YEATS4: variants seen among roughly 807,000 people sequenced by gnomAD.
The protein encoded by YEATS4 is YEATS domain containing 4.
A neutral mutation model predicts 30.1 loss-of-function variants in YEATS4; 17 were observed. The observed-to-expected ratio is 0.56, with a 90% CI of 0.39 to 0.85. The LOEUF (loss-of-function observed/expected upper bound fraction) is 0.85. Among genes scored for constraint, YEATS4 ranks in the 40% least tolerant of loss-of-function variants. YEATS4 has a pLI of 0.00. For synonymous variants in YEATS4, 85 were observed against 87.5 expected (o/e 0.97, Z 0.16); for missense variants, 142 against 268.3 (o/e 0.53, Z 3.29).
chr12:69,413,358 A>AG, the YEATS4 span, among the ~76,000 whole-genome samples: 1 of 55,592 alleles, frequency 1.8e-5, no homozygotes, highest in African/African-American at 4.2e-5. Context: ...TAAATGAAAA[A>AG]AAAAAAAAAA....
chr12:69,371,097 AAC>A (rs1875620607), intron 6 of YEATS4, 122 bp downstream of exon 6: 2 of 910,814 alleles, frequency 2.2e-6, no homozygotes, highest in Non-Finnish European at 1.6e-6. Flanking sequence ...GGTGTTAAAA[AAC>A]ACAGTTTGTA....
the YEATS4 span, among the ~76,000 whole-genome samples, chr12:69,403,148 T>C: frequency 6.6e-6 from 1 of 152,230 alleles, no homozygotes; most frequent in African/African-American, 2.4e-5. Flanking sequence ...GATGTTTCTC[T>C]AGACTGGGAC....
the YEATS4 span, among the ~76,000 whole-genome samples, chr12:69,401,566 C>T: frequency 5.9e-5 from 9 of 152,068 alleles, no homozygotes; most frequent in African/African-American, 1.9e-4. Context: ...GCCCATGGCC[C>T]GATGGCAATC....
chr12:69,394,069 A>T (rs1868334295), downstream of YEATS4, among the ~76,000 whole-genome samples: 1 of 152,140 alleles, frequency 6.6e-6, no homozygotes, highest in South Asian at 2.1e-4. Flanking sequence ...GATGGGAGGG[A>T]GGAAAAAACA....
chr12:69,400,417 A>G, the YEATS4 span, among the ~76,000 whole-genome samples: 7 of 151,570 alleles, frequency 4.6e-5, no homozygotes, highest in Admixed American at 4.6e-4. Context: ...TAAACAATAC[A>G]TTAATATGTA....
intron 1 of YEATS4, among the ~76,000 whole-genome samples, chr12:69,361,102 G>T (rs1375572103): frequency 2.6e-5 from 4 of 151,946 alleles, no homozygotes; most frequent in African/African-American, 4.8e-5. Flanking sequence ...AGGGGCTGAG[G>T]CAGGAAAATC....
the YEATS4 span, among the ~76,000 whole-genome samples, chr12:69,425,495 C>T: frequency 3.9e-5 from 6 of 152,186 alleles, no homozygotes; most frequent in Admixed American, 3.9e-4. Flanking sequence ...TATGGAGTGA[C>T]TACCTCAGGC....
the YEATS4 span, among the ~76,000 whole-genome samples, chr12:69,409,531 C>T: frequency 2.0e-5 from 3 of 151,444 alleles, no homozygotes; most frequent in African/African-American, 2.4e-5. Context: ...GCAGGAGAAT[C>T]GCTTGAACTC....
At chr12:69,368,687 G>GT (rs1046832142) in intron 4 of YEATS4, among the ~76,000 whole-genome samples, 1 of 152,196 alleles carries the variant, frequency 6.6e-6, no homozygotes, top group Non-Finnish European at 1.5e-5. Flanking sequence ...TGTTGGCCAT[G>GT]TTTTTTCCAA....
downstream of YEATS4, among the ~76,000 whole-genome samples, chr12:69,391,309 A>T (rs1278296920): frequency 2.6e-5 from 4 of 151,748 alleles, no homozygotes; most frequent in Non-Finnish European, 5.9e-5. Flanking sequence ...AAAAAAAAAA[A>T]TTAAATCTTT....
chr12:69,417,531 G>A, the YEATS4 span, among the ~76,000 whole-genome samples: 214 of 152,246 alleles, frequency 1.4e-3, no homozygotes, highest in African/African-American at 4.8e-3. Context: ...ACGTATGACC[G>A]ATGCCTGAAC....
chr12:69,368,091 G>A (rs1006664020), intron 4 of YEATS4, among the ~76,000 whole-genome samples: 4 of 152,132 alleles, frequency 2.6e-5, no homozygotes, highest in African/African-American at 9.7e-5. Flanking sequence ...ACATAGGCCT[G>A]AATTTTATTC....
intron 6 of YEATS4, among the ~76,000 whole-genome samples, chr12:69,382,519 A>G (rs2603088): frequency 0.33 from 49,686 of 152,004 alleles, 9,652 homozygotes; most frequent in African/African-American, 0.55. Context: ...TACCACAAAT[A>G]TTTACTTAAG....
chr12:69,414,544 T>C, the YEATS4 span, among the ~76,000 whole-genome samples: 13 of 152,208 alleles, frequency 8.5e-5, no homozygotes, highest in African/African-American at 1.7e-4. Context: ...ACATTTCTTA[T>C]TGTCCCCCAA....
chr12:69,404,133 T>A, the YEATS4 span, among the ~76,000 whole-genome samples: 22 of 152,304 alleles, frequency 1.4e-4, no homozygotes, highest in South Asian at 3.7e-3. Flanking sequence ...CCAGCCCAAA[T>A]TCCCATGCTG....
Position 69,390,257 on chromosome 12 carries a change from A to C in YEATS4, c.625A>C (p.Asn209His). 1 of 1,599,892 alleles carries C rather than the reference A, an allele frequency of 6.3e-7. No homozygotes were observed. The highest frequency in any genetic ancestry group is 8.5e-7 in the Non-Finnish European group (1 of 1,176,452). ...ATTAAAAGCAAGTCGTGAAACTATA[A>C]ATTGTTTAAAAAATGAAATCAGAAA... ...ERLKASRETI[N>H]CLKNEIRKLE... is the part of the protein sequence containing the mutation. The change falls in exon 7 of 7, where the codon AAT becomes CAT. Residue 209 changes from asparagine to histidine, a missense_variant. Transcript: ENST00000247843.
chr12:69,385,608 A>T (rs560644185), intron 6 of YEATS4, among the ~76,000 whole-genome samples: 2 of 152,328 alleles, frequency 1.3e-5, no homozygotes, highest in Non-Finnish European at 2.9e-5. Context: ...TAGTAGTAGA[A>T]TCAGAACTTG....
intron 6 of YEATS4, among the ~76,000 whole-genome samples, chr12:69,379,583 ATTTTTTTTTTTTTTTTTTTTTTTTTTTT>A (rs61048163): frequency 2.8e-5 from 2 of 72,300 alleles, no homozygotes; most frequent in African/African-American, 1.1e-4. Context: ...TGCCCAGCTA[ATTTTTTTTTTTTTTTTTTTTTTTTTTTT>A]TTTTTTTTTG....
rs769987704 is a variant in YEATS4 at position 69,360,014 on chromosome 12, G to C, written c.42G>C (p.Gly14=). The change falls in exon 1 of 7, where the codon GGG becomes GGC. Residue 14 remains glycine (G), a synonymous_variant. Coordinates refer to ENST00000247843, the MANE Select transcript of YEATS4 (RefSeq NM_006530.4). ...RMAEFGPDSG[G]RVKGVTIVKP... is the part of the protein sequence containing the mutation. ...CCGAATTTGGGCCTGACTCCGGCGG[G>C]AGAGTAAAGGTCAGTGCCCGGACCG... 5.0e-6 allele frequency: 8 copies of C among 1,613,496 alleles called. No individual in the cohort carries two copies. The African/African-American group carries it at 1.1e-4, about 22-fold the overall frequency.
Sources: allele counts gnomAD v4.1 joint callset (sites outside exome capture counted in the v4.1 genomes callset), GRCh38; gene constraint gnomAD v4.1.1; transcripts MANE v1.5; gene names NCBI Gene and HGNC (gene_info 2026-07-23, HGNC 2026-07-21).